NCKAP1: variants seen among roughly 807,000 people sequenced by gnomAD.
NCKAP1 encodes nck-associated protein 1.
A neutral mutation model predicts 151.2 loss-of-function variants in NCKAP1; 21 were observed. The ratio of observed to expected loss-of-function variants is 0.14; its 90% CI spans 0.10 to 0.20. The LOEUF (loss-of-function observed/expected upper bound fraction) is 0.20, where lower values mean the gene tolerates loss of function less well. NCKAP1 is among the 10% of genes least tolerant of loss of function. The pLI is 1.00. For synonymous variants in NCKAP1, 484 were observed against 451.8 expected, an observed-to-expected ratio of 1.07 and a Z score of -0.90; for missense variants, 933 against 1,352.1, an observed-to-expected ratio of 0.69 and a Z score of 4.86.
Position 182,942,187 on chromosome 2 carries a change from G to A in NCKAP1, c.2602-24C>T, listed in dbSNP as rs1450827139. On this transcript the variant is annotated intron_variant, in intron 23 of 30. Coordinates refer to ENST00000361354, the MANE Select transcript of NCKAP1 (RefSeq NM_013436.5). ...TTCTAAAAAAAAAAGAAAGATCCTA[G>A]GTCAGGCACAGACCTCTTTGTGTTA... 7.0e-6 allele frequency: 11 copies of A among 1,577,904 alleles called. No homozygotes were observed. The African/African-American group carries it at 9.5e-5, about 14-fold the overall frequency.
At chr2:183,028,000 C>A (rs72888481) in intron 1 of NCKAP1, among the ~76,000 whole-genome samples, 4,045 of 152,070 alleles carry the variant, frequency 0.027, 79 homozygotes, top group Non-Finnish European at 0.04. Flanking sequence ...ACTTAGTTAT[C>A]AAAACATTTT....
chr2:182,927,798 T>C (rs1696678388), intron 29 of NCKAP1, among the ~76,000 whole-genome samples: 2 of 151,908 alleles, frequency 1.3e-5, no homozygotes, highest in African/African-American at 4.8e-5. Flanking sequence ...AGTCCAAACA[T>C]CAGCTTGGGG....
rs1359162736 is a variant in NCKAP1, at chr2:183,025,140, A to T, written c.109-1224T>A. On this transcript the variant is annotated intron_variant, in intron 1 of 30. Transcript: ENST00000361354. ...AGAATTATATGGTGCTACAATTTTAAAGGTATTCTAAGTAGCGAGTTTTAG... is the reference window on the plus strand; with the variant it reads ...AGAATTATATGGTGCTACAATTTTATAGGTATTCTAAGTAGCGAGTTTTAG... 2.2e-5 allele frequency: 16 copies of T among 728,444 alleles called. No individual in the cohort carries two copies. In the South Asian group the frequency reaches 3.0e-4, roughly 14 times the overall value. 45.1% of individuals were successfully genotyped at this position (728,444 alleles called of 1,614,324 possible).
chr2:183,030,181 TG>T (rs1698979133), intron 1 of NCKAP1, among the ~76,000 whole-genome samples: 1 of 152,226 alleles, frequency 6.6e-6, no homozygotes. Flanking sequence ...GGTAAAAATC[TG>T]ATCAGTTCAA....
At chr2:182,965,007 AAC>A (rs2105836549) in intron 16 of NCKAP1, among the ~76,000 whole-genome samples, 199 bp from the exon 17 acceptor site, 1 of 152,302 alleles carries the variant, frequency 6.6e-6, no homozygotes, top group Non-Finnish European at 1.5e-5. Context: ...ATATAACAAT[AAC>A]AACATTTTAA....
chr2:182,918,574 A>C lies in NCKAP1; in HGVS notation c.*7128T>G, dbSNP rs911741514. 4 of 152,234 alleles carry C rather than the reference A, an allele frequency of 2.6e-5. No individual in the cohort carries two copies. Among genetic ancestry groups the C allele is most frequent in the Non-Finnish European group, 5.9e-5 (4 of 68,034 alleles). The allele number at this position is 152,234 out of a possible 1,614,324, so 9.4% of individuals were successfully genotyped here. A position where few individuals can be genotyped will look rare whatever the true frequency, so the allele number is the denominator to read the frequency against. ...CAGAGGCCATTATTCTAAGCAAAGT[A>C]ACTCAGGAACAGAAAACCAAATACC... On this transcript the variant is annotated 3_prime_UTR_variant, in exon 31 of 31. Transcript: ENST00000361354.
At chr2:182,927,211 T>C in intron 29 of NCKAP1, 1 of 234,124 alleles carries the variant, frequency 4.3e-6, no homozygotes, top group Non-Finnish European at 8.2e-6. Flanking sequence ...TCCCATCCCA[T>C]TATCTATACT....
Position 182,989,161 on chromosome 2 carries a change from G to C in NCKAP1, c.816C>G (p.Ile272Met). ...TCAGTGCTGTAGCGTCAGTATTTAG[G>C]ATCCCATGGCACAAAATAAAGCCAA... ...IIFGFILCHG[I>M]LNTDATALNL... is the part of the protein sequence containing the mutation. The change falls in exon 9 of 31, where the codon ATC becomes ATG. Residue 272 changes from isoleucine (I) to methionine (M), a missense_variant. Ile to Met is a conservative substitution (Grantham distance 10). Transcript: ENST00000361354. 6.2e-7 allele frequency: 1 copy of C among 1,604,310 alleles called. No homozygotes were observed. The highest frequency in any genetic ancestry group is 8.5e-7 in the Non-Finnish European group (1 of 1,176,962).
chr2:182,936,177 G>T (rs1428187255), intron 24 of NCKAP1, among the ~76,000 whole-genome samples: 1 of 152,040 alleles, frequency 6.6e-6, no homozygotes, highest in Non-Finnish European at 1.5e-5. Context: ...AGGATCCTTT[G>T]AGTTCAGGAA....
chr2:183,028,972 A>G (rs2105898386), intron 1 of NCKAP1, among the ~76,000 whole-genome samples: 1 of 140,636 alleles, frequency 7.1e-6, no homozygotes, highest in Non-Finnish European at 1.6e-5. Context: ...AAAAAAAAAT[A>G]GCCAGGTATG....
chr2:183,038,377 G>A lies in NCKAP1; in HGVS notation c.-278C>T, dbSNP rs1440398613. ...CCCACCCCCGGCGCTCTCCGCCCCA[G>A]CCCCCAACGAGCCGCCTTCCCCGGC... On this transcript the variant is annotated 5_prime_UTR_variant, in exon 1 of 31. Coordinates refer to ENST00000361354, the MANE Select transcript of NCKAP1 (RefSeq NM_013436.5). The A allele has an allele frequency of 3.6e-6, 1 of 274,070 alleles. No individual in the cohort carries two copies. 17.0% of individuals were successfully genotyped at this position (274,070 alleles called of 1,614,324 possible).
chr2:183,029,320 T>C (rs1195045543), intron 1 of NCKAP1, among the ~76,000 whole-genome samples: 1 of 152,064 alleles, frequency 6.6e-6, no homozygotes, highest in African/African-American at 2.4e-5. Context: ...AAGTATGACT[T>C]TAAAACACAT....
At position 183,038,299 on chromosome 2, in the gene NCKAP1, G is replaced by C; in HGVS notation, c.-200C>G. ...CGGACTCCTCGGAGCCCCTTCTCCC[G>C]CAGCAGCCCGCGCCCCGGCAGCCTC... On this transcript the variant is annotated 5_prime_UTR_variant, in exon 1 of 31. Coordinates refer to ENST00000361354, the MANE Select transcript of NCKAP1 (RefSeq NM_013436.5). The C allele has an allele frequency of 5.4e-6, 2 of 368,500 alleles. No individual in the cohort carries two copies. The highest frequency in any genetic ancestry group is 9.6e-6 in the Non-Finnish European group (2 of 207,822). 22.8% of individuals were successfully genotyped at this position (368,500 alleles called of 1,614,324 possible). A position where few individuals can be genotyped will look rare whatever the true frequency, so the allele number is the denominator to read the frequency against.
At chr2:182,966,082 C>A (rs528007726) in intron 16 of NCKAP1, among the ~76,000 whole-genome samples, 1 of 152,216 alleles carries the variant, frequency 6.6e-6, no homozygotes, top group African/African-American at 2.4e-5. Flanking sequence ...CAGTGAGAAG[C>A]TTTTCATGAT....
chr2:182,990,588 G>A (rs146200765), intron 8 of NCKAP1, among the ~76,000 whole-genome samples: 5 of 152,070 alleles, frequency 3.3e-5, no homozygotes, highest in African/African-American at 4.8e-5. Context: ...ATACTAGGAC[G>A]TAAGACCTCA....
At chr2:182,971,141 T>C (rs1407222629) in intron 15 of NCKAP1, among the ~76,000 whole-genome samples, 5 of 151,986 alleles carry the variant, frequency 3.3e-5, no homozygotes, top group Admixed American at 3.3e-4. Context: ...ACGCCTGTAA[T>C]CCCAGCACTT....
intron 20 of NCKAP1, among the ~76,000 whole-genome samples, chr2:182,954,266 AGTT>A (rs1442210378): frequency 1.3e-5 from 2 of 151,584 alleles, no homozygotes. Flanking sequence ...CATATAAAAC[AGTT>A]CTGTTTATAT....
chr2:182,972,237 A>C (rs1333441238), intron 15 of NCKAP1, among the ~76,000 whole-genome samples: 6 of 151,080 alleles, frequency 4.0e-5, no homozygotes, highest in South Asian at 2.1e-4. Context: ...AAAAAAAAAA[A>C]AAAAAAAACA....
At chr2:182,928,353 G>T in intron 28 of NCKAP1, 127 bp from the exon 29 acceptor site, 2 of 614,138 alleles carry the variant, frequency 3.3e-6, no homozygotes, top group East Asian at 5.8e-5. Flanking sequence ...GGACATGACC[G>T]GACTTGCTCT....
Sources: allele counts gnomAD v4.1 joint callset (sites outside exome capture counted in the v4.1 genomes callset), GRCh38; gene constraint gnomAD v4.1.1; transcripts MANE v1.5; gene names NCBI Gene and HGNC (gene_info 2026-07-23, HGNC 2026-07-21).